Variants in RAC1 observed in about 807,000 individuals in gnomAD.
RAC1 encodes Rac family small GTPase 1, also known as ras-related C3 botulinum toxin substrate 1.
Under a neutral mutation model 25.2 loss-of-function variants are expected in RAC1, and 2 were observed. That is an observed-to-expected ratio of 0.08 (90% CI 0.03 to 0.25). The LOEUF (loss-of-function observed/expected upper bound fraction) is 0.25, where lower values mean the gene tolerates loss of function less well. RAC1 is among the 10% of genes least tolerant of loss of function. RAC1 has a pLI of 1.00. For missense variants in RAC1, 50 were observed against 235.7 expected (o/e 0.21, Z 5.16); for synonymous variants, 88 against 94.0 (o/e 0.94, Z 0.37).
intron 4 of RAC1, among the ~76,000 whole-genome samples, chr7:6,400,926 C>T (rs1400484014): frequency 1.3e-5 from 2 of 152,112 alleles, no homozygotes; most frequent in African/African-American, 2.4e-5. Context: ...CCGCGCGTCT[C>T]GGCCTCCCAA....
chr7:6,402,515 A>AC lies in RAC1; in HGVS notation c.*69_*70insC, dbSNP rs1215588269. The stretch of plus-strand genomic sequence containing the variant: ...GTACGCTTTGCTCAAAAAAAAACAA[A>AC]AAAAAAAAACAAAAAAAAAAAACAA... On this transcript the variant is annotated 3_prime_UTR_variant, in exon 6 of 6. Coordinates refer to ENST00000348035, the MANE Select transcript of RAC1 (RefSeq NM_006908.5). 11 of 1,067,754 alleles carry AC rather than the reference A, an allele frequency of 1.0e-5. No homozygotes were observed. Among genetic ancestry groups the AC allele is most frequent in the Middle Eastern group, 3.4e-4 (1 of 2,922 alleles). The allele number at this position is 1,067,754 out of a possible 1,614,324, so 66.1% of individuals were successfully genotyped here.
At chr7:6,392,947 T>C (rs1477035426) in intron 3 of RAC1, among the ~76,000 whole-genome samples, 1 of 152,164 alleles carries the variant, frequency 6.6e-6, no homozygotes, top group Non-Finnish European at 1.5e-5. Context: ...TAGCACACAC[T>C]GTGGGGCCAG....
chr7:6,390,028 TCC>T (rs1562465895), intron 2 of RAC1, among the ~76,000 whole-genome samples: 1 of 60,296 alleles, frequency 1.7e-5, no homozygotes, highest in Non-Finnish European at 3.6e-5. Context: ...CCTCTCCTAC[TCC>T]TTCCCTCCTT....
Position 6,402,536 on chromosome 7 carries a change from A to AAAAAAAAAAAAAAAAAC in RAC1, c.*91_*92insAAAAAAAAAAAAAAACA. 1.1e-6 allele frequency: 1 copy of AAAAAAAAAAAAAAAAAC among 947,914 alleles called. No individual in the cohort carries two copies. The highest frequency in any genetic ancestry group is 5.1e-5 in the East Asian group (1 of 19,624). The allele number at this position is 947,914 out of a possible 1,614,324, so 58.7% of individuals were successfully genotyped here. Reference sequence around the variant, plus strand: ...ACAAAAAAAAAAAACAAAAAAAAAAAACAACGGTGGAGCCTTCGCACTCAA... The same window carrying AAAAAAAAAAAAAAAAAC: ...ACAAAAAAAAAAAACAAAAAAAAAAAAAAAAAAAAAAAAAAACACAACGGTGGAGCCTTCGCACTCAA... On this transcript the variant is annotated 3_prime_UTR_variant, in exon 6 of 6. Transcript: ENST00000348035.
At chr7:6,399,076 C>G (rs1030508930) in intron 3 of RAC1, among the ~76,000 whole-genome samples, 4 of 151,822 alleles carry the variant, frequency 2.6e-5, no homozygotes, top group Non-Finnish European at 5.9e-5. Flanking sequence ...GGCCTTCTTT[C>G]TCCGCTTGGG....
chr7:6,380,452 A>C (rs1404422659), intron 1 of RAC1, among the ~76,000 whole-genome samples: 7 of 152,048 alleles, frequency 4.6e-5, no homozygotes, highest in African/African-American at 9.7e-5. Flanking sequence ...AAGTGGGAGG[A>C]GCATCAGGAA....
chr7:6,398,473 T>A (rs1783308437), intron 3 of RAC1, among the ~76,000 whole-genome samples: 1 of 152,232 alleles, frequency 6.6e-6, no homozygotes, highest in Admixed American at 6.5e-5. Flanking sequence ...TAACGCCTGC[T>A]TTTGACCAGG....
intron 3 of RAC1, among the ~76,000 whole-genome samples, chr7:6,393,771 G>A (rs1471204861): frequency 1.3e-5 from 2 of 152,162 alleles, no homozygotes; most frequent in African/African-American, 2.4e-5. Flanking sequence ...AAGACACCCT[G>A]TGCTAGCAAG....
At chr7:6,376,679 T>A (rs1257833523) in intron 1 of RAC1, among the ~76,000 whole-genome samples, 37 of 149,528 alleles carry the variant, frequency 2.5e-4, no homozygotes, top group East Asian at 3.9e-4. Flanking sequence ...TTTGTTTTTT[T>A]TTTTTTTTTT....
chr7:6,388,501 C>T (rs755956420), intron 2 of RAC1, among the ~76,000 whole-genome samples: 1 of 151,962 alleles, frequency 6.6e-6, no homozygotes, highest in Non-Finnish European at 1.5e-5. Flanking sequence ...TACACCACCA[C>T]ACCTGGCTAA....
intron 1 of RAC1, among the ~76,000 whole-genome samples, chr7:6,375,336 C>T (rs888018170): frequency 6.6e-6 from 1 of 151,994 alleles, no homozygotes; most frequent in Non-Finnish European, 1.5e-5. Flanking sequence ...GCAATCCTCC[C>T]ATCCCAGCCT....
At chr7:6,395,076 G>A (rs1038062896) in intron 3 of RAC1, among the ~76,000 whole-genome samples, 5 of 152,106 alleles carry the variant, frequency 3.3e-5, no homozygotes, top group African/African-American at 9.7e-5. Context: ...GGATGGTCTT[G>A]ATCTCCTGAG....
At chr7:6,381,541 T>C (rs1782765153) in intron 1 of RAC1, among the ~76,000 whole-genome samples, 1 of 151,988 alleles carries the variant, frequency 6.6e-6, no homozygotes. Flanking sequence ...TACAGGCGTG[T>C]GCCACCACAC....
At chr7:6,389,648 C>T (rs935429917) in intron 2 of RAC1, among the ~76,000 whole-genome samples, 1 of 152,002 alleles carries the variant, frequency 6.6e-6, no homozygotes, top group African/African-American at 2.4e-5. Context: ...CCTCTGCACT[C>T]CAGCCTGGGC....
rs1456421406 is a variant in RAC1, at chr7:6,403,260, G to A, written c.*814G>A. The A allele has an allele frequency of 4.6e-6, 1 of 215,914 alleles. No homozygotes were observed. Among genetic ancestry groups the A allele is most frequent in the Non-Finnish European group, 9.3e-6 (1 of 106,968 alleles). The allele number at this position is 215,914 out of a possible 1,614,324, so 13.4% of individuals were successfully genotyped here. On this transcript the variant is annotated 3_prime_UTR_variant, in exon 6 of 6. Coordinates refer to ENST00000348035, the MANE Select transcript of RAC1 (RefSeq NM_006908.5). ...TCTAAAAGGTTAATTTCTGTCAAAT[G>A]CAGTAGATGATGAAAGAAAGGTTGG...
At chr7:6,402,205 G>A in intron 5 of RAC1, 111 bp from the exon 6 acceptor site, 3 of 1,489,030 alleles carry the variant, frequency 2.0e-6, no homozygotes, top group Non-Finnish European at 1.8e-6. Context: ...TGGAAGCAGG[G>A]CTGGGAGCCG....
rs144328770 is a variant in RAC1 at position 6,388,175 on chromosome 7, C to T, written c.107+892C>T. Among the ~76,000 whole-genome samples, 166 of 151,942 alleles carry T rather than the reference C, an allele frequency of 1.1e-3. 1 individual carries two copies. The highest frequency in any genetic ancestry group is 1.9e-3 in the Non-Finnish European group (126 of 67,948). On this transcript the variant is annotated intron_variant, in intron 2 of 5. Coordinates refer to ENST00000348035, the MANE Select transcript of RAC1 (RefSeq NM_006908.5). ...TGGTGATGGGTTACCCGGGAGCGCA[C>T]GTAGCTGAGCCTCATAATGCACCAT...
At chr7:6,395,390 C>A (rs1295485682) in intron 3 of RAC1, among the ~76,000 whole-genome samples, 4 of 152,246 alleles carry the variant, frequency 2.6e-5, no homozygotes, top group Non-Finnish European at 4.4e-5. Context: ...TTGGCTGTTA[C>A]AAGTGCAGCC....
At chr7:6,384,906 A>AG (rs1782879777) in intron 1 of RAC1, among the ~76,000 whole-genome samples, 1 of 152,092 alleles carries the variant, frequency 6.6e-6, no homozygotes, top group African/African-American at 2.4e-5. Flanking sequence ...CCTGGGTTCA[A>AG]GTGATCCTCG....
Sources: allele counts gnomAD v4.1 joint callset (sites outside exome capture counted in the v4.1 genomes callset), GRCh38; gene constraint gnomAD v4.1.1; transcripts MANE v1.5; gene names NCBI Gene and HGNC (gene_info 2026-07-23, HGNC 2026-07-21).